The following ATF7 variants were observed in gnomAD, a reference collection of about 807,000 sequenced individuals.
The protein encoded by ATF7 is activating transcription factor 7, also known as cyclic AMP-dependent transcription factor ATF-7.
Under a neutral mutation model 50.4 loss-of-function variants are expected in ATF7, and 10 were observed. That is an observed-to-expected ratio of 0.20 (90% CI 0.12 to 0.34). The LOEUF (loss-of-function observed/expected upper bound fraction) is 0.34, where lower values mean the gene tolerates loss of function less well. Among genes scored for constraint, ATF7 ranks in the 10% least tolerant of loss-of-function variants. The pLI, the probability that ATF7 is intolerant of heterozygous loss-of-function variation, is 1.00. For synonymous variants in ATF7, 201 were observed against 226.4 expected (o/e 0.89, Z 1.01); for missense variants, 465 against 613.9 (o/e 0.76, Z 2.56).
In ATF7 at chr12:53,610,810, CAT is replaced by C. The variant is rs1943837716; in HGVS notation, c.-21-9791_-21-9790del. Among the ~76,000 whole-genome samples the C allele has an allele frequency of 2.0e-5, 3 of 151,994 alleles. No homozygotes were observed. In the South Asian group the frequency reaches 6.2e-4, roughly 32 times the overall value. ...TTATTTAGGAAAATTAAGTGATGCTCATAGTTTGTTTTTTATGGTGAGTTTTC... is the reference window on the plus strand; with the variant it reads ...TTATTTAGGAAAATTAAGTGATGCTCAGTTTGTTTTTTATGGTGAGTTTTC... On this transcript the variant is annotated intron_variant, in intron 1 of 11. Transcript: ENST00000420353.
At chr12:53,560,356 T>C (rs1186733369) in intron 2 of ATF7, among the ~76,000 whole-genome samples, 1 of 152,126 alleles carries the variant, frequency 6.6e-6, no homozygotes. Context: ...ATTTAACCTA[T>C]TCTCTAGACG....
chr12:53,529,710 TACACACACACAC>T (rs796404325), intron 9 of ATF7, among the ~76,000 whole-genome samples: 1 of 132,250 alleles, frequency 7.6e-6, no homozygotes, highest in Non-Finnish European at 1.5e-5. Context: ...TATATACACA[TACACACACACAC>T]ACACACACAC....
intron 3 of ATF7, 76 bp from the exon 4 acceptor site, chr12:53,543,524 G>A: frequency 2.2e-6 from 3 of 1,382,994 alleles, no homozygotes; most frequent in Non-Finnish European, 2.9e-6. Flanking sequence ...AGTATATAGA[G>A]AATGCATTTG....
chr12:53,598,481 C>T (rs1464759106), intron 2 of ATF7, among the ~76,000 whole-genome samples: 1 of 152,106 alleles, frequency 6.6e-6, no homozygotes, highest in Non-Finnish European at 1.5e-5. Context: ...ATAATGAATC[C>T]TAATAACCAA....
chr12:53,588,893 G>C (rs1353885335), intron 2 of ATF7, among the ~76,000 whole-genome samples: 1 of 152,102 alleles, frequency 6.6e-6, no homozygotes, highest in Non-Finnish European at 1.5e-5. Context: ...GGCTGAGGCA[G>C]TTGCAGAAAG....
At chr12:53,509,926 A>G (rs1944099097), downstream of ATF7, among the ~76,000 whole-genome samples, 1 of 152,184 alleles carries the variant, frequency 6.6e-6, no homozygotes, top group African/African-American at 2.4e-5. Context: ...TGCTCCAGAT[A>G]CCATATTTCT....
chr12:53,587,270 G>A (rs766427295), intron 2 of ATF7, among the ~76,000 whole-genome samples: 15 of 149,626 alleles, frequency 1.0e-4, no homozygotes, highest in Non-Finnish European at 2.1e-4. Context: ...GGGAGGCTGA[G>A]GCAGGAGAAT....
intron 1 of ATF7, among the ~76,000 whole-genome samples, chr12:53,612,029 G>A (rs1214110045): frequency 6.6e-6 from 1 of 152,114 alleles, no homozygotes. Flanking sequence ...AGGCTGGAGT[G>A]CAGTGGCACC....
At chr12:53,591,170 G>A (rs1021859917) in intron 2 of ATF7, among the ~76,000 whole-genome samples, 37 of 152,160 alleles carry the variant, frequency 2.4e-4, no homozygotes, top group African/African-American at 7.7e-4. Context: ...TTTTCTATAC[G>A]CTTACTGCTG....
rs1209544576 is a variant in ATF7, at chr12:53,524,894, T to C, written c.928-133A>G. 3 of 843,656 alleles carry C rather than the reference T, an allele frequency of 3.6e-6. No individual in the cohort carries two copies. The highest frequency in any genetic ancestry group is 5.3e-6 in the Non-Finnish European group (3 of 569,548). The allele number at this position is 843,656 out of a possible 1,614,324, so 52.3% of individuals were successfully genotyped here. On this transcript the variant is annotated intron_variant, in intron 9 of 11. Coordinates refer to ENST00000420353, the MANE Select transcript of ATF7 (RefSeq NM_006856.3). This position sits in a 1 kb window ranked among gnomAD's most constrained non-coding sequence, Gnocchi z 4.6. ...CTCTGGTAACCACAGCAAGTCTCATTACTATGTCCCCAAGCTTCCCTTTTG... is the reference window on the plus strand; with the variant it reads ...CTCTGGTAACCACAGCAAGTCTCATCACTATGTCCCCAAGCTTCCCTTTTG...
At chr12:53,625,515 C>A (rs1275224904) in intron 1 of ATF7, among the ~76,000 whole-genome samples, 1 of 152,188 alleles carries the variant, frequency 6.6e-6, no homozygotes, top group Non-Finnish European at 1.5e-5. Context: ...AGAAGCCATG[C>A]CTTATGGCGA....
rs548507366 is a variant in ATF7 at position 53,528,740 on chromosome 12, G to A, written c.927+3004C>T. The stretch of plus-strand genomic sequence containing the variant: ...ATCGTGCCACTGCACTCTAGCCTGG[G>A]TGACAGAGCGAGACTCCATCTTAAA... On this transcript the variant is annotated intron_variant, in intron 9 of 11. Coordinates refer to ENST00000420353, the MANE Select transcript of ATF7 (RefSeq NM_006856.3). Among the ~76,000 whole-genome samples, 7 of 152,146 alleles carry A rather than the reference G, an allele frequency of 4.6e-5. No homozygotes were observed. In the South Asian group the frequency reaches 1.2e-3, roughly 27 times the overall value.
chr12:53,561,450 CTATT>C (rs1032857305), intron 2 of ATF7, among the ~76,000 whole-genome samples: 2 of 151,618 alleles, frequency 1.3e-5, no homozygotes, highest in African/African-American at 2.4e-5. Flanking sequence ...TTTTTGAACA[CTATT>C]TAATTAATCA....
At chr12:53,533,071 C>A in intron 7 of ATF7, 89 bp downstream of exon 7, 1 of 1,203,142 alleles carries the variant, frequency 8.3e-7, no homozygotes, top group South Asian at 1.3e-5. Context: ...CCACATTTCC[C>A]TGGGGCTCAT....
At position 53,552,776 on chromosome 12, in the gene ATF7, AGAG is replaced by A. The variant is rs1173197255; in HGVS notation, c.49-142_49-140del. On this transcript the variant is annotated intron_variant, in intron 2 of 11. Coordinates refer to ENST00000420353, the MANE Select transcript of ATF7 (RefSeq NM_006856.3). ...AACTGGAGAGGGAGAAAAAACTGGAAGAGGAGAAGAGATGGAGAAAAAAGGGTG... is the reference window on the plus strand; with the variant it reads ...AACTGGAGAGGGAGAAAAAACTGGAAGAGAAGAGATGGAGAAAAAAGGGTG... 3.1e-5 allele frequency: 21 copies of A among 669,586 alleles called. No individual in the cohort carries two copies. In the Admixed American group the frequency reaches 3.7e-4, roughly 12 times the overall value. 41.5% of individuals were successfully genotyped at this position (669,586 alleles called of 1,614,324 possible).
At chr12:53,527,177 A>T (rs963642403) in intron 9 of ATF7, among the ~76,000 whole-genome samples, 2 of 149,658 alleles carry the variant, frequency 1.3e-5, no homozygotes, top group Admixed American at 1.3e-4. Flanking sequence ...AAAATAAAAT[A>T]AAAAAATTAA....
chr12:53,564,471 C>A (rs186672810), intron 2 of ATF7, among the ~76,000 whole-genome samples: 56 of 152,338 alleles, frequency 3.7e-4, no homozygotes, highest in African/African-American at 1.3e-3. Flanking sequence ...CCCCAAACCA[C>A]TAGTGGTAAT....
rs540658789 is a variant in ATF7 at position 53,595,200 on chromosome 12, G to C, written c.48+5753C>G. On this transcript the variant is annotated intron_variant, in intron 2 of 11. Coordinates refer to ENST00000420353, the MANE Select transcript of ATF7 (RefSeq NM_006856.3). The stretch of plus-strand genomic sequence containing the variant: ...TCTTGGCAGAGGGTGGGGAAAAAAG[G>C]CTTATTTTTTTGCCTGAAATTGCCT... Among the ~76,000 whole-genome samples the C allele has an allele frequency of 3.3e-5, 5 of 152,248 alleles. No individual in the cohort carries two copies. The East Asian group carries it at 7.7e-4, about 23-fold the overall frequency.
At chr12:53,598,969 C>A (rs1386550613) in intron 2 of ATF7, among the ~76,000 whole-genome samples, 3 of 152,142 alleles carry the variant, frequency 2.0e-5, no homozygotes, top group African/African-American at 7.2e-5. Flanking sequence ...TACAAGGTAT[C>A]GGTCATAAGC....
Sources: gnomAD v4.1 joint callset for allele counts (sites outside exome capture counted in the v4.1 genomes callset) on GRCh38, gnomAD v4.1.1 for gene constraint, Gnocchi (gnomAD v3.1) non-coding constraint, MANE v1.5 for transcripts, NCBI Gene and HGNC (gene_info 2026-07-23, HGNC 2026-07-21) for gene names.